Variants in TCAF1 observed in about 807,000 individuals in gnomAD.
TCAF1 encodes TRPM8 channel-associated factor 1.
In TCAF1, 4 loss-of-function variants were observed where a neutral mutation model predicts 27.3. The observed-to-expected ratio is 0.15, with a 90% CI of 0.07 to 0.34. TCAF1 has a LOEUF of 0.34. TCAF1 is among the 10% of genes least tolerant of loss of function. TCAF1 has a pLI of 1.00. For synonymous variants in TCAF1, 105 were observed against 167.1 expected (o/e 0.63, Z 2.87); for missense variants, 257 against 425.8 (o/e 0.60, Z 3.49).
intron 1 of TCAF1, among the ~76,000 whole-genome samples, chr7:143,888,928 A>G (rs1813531203): frequency 6.6e-6 from 1 of 152,194 alleles, no homozygotes; most frequent in African/African-American, 2.4e-5. Context: ...TTTGAAAAAT[A>G]AAATAGAAAC....
intron 1 of TCAF1, among the ~76,000 whole-genome samples, chr7:143,883,675 T>C (rs536273446): frequency 6.6e-6 from 1 of 152,252 alleles, no homozygotes; most frequent in East Asian, 1.9e-4. Context: ...CTGGCTAATT[T>C]TTTTATTTTT....
rs116975987 is a variant in TCAF1, at chr7:143,896,310, C to T, written c.-15+5651G>A. 9.2e-3 allele frequency among the ~76,000 whole-genome samples: 1,392 copies of T among 151,966 alleles called. 21 individuals are homozygous for T. Among genetic ancestry groups the T allele is most frequent in the Middle Eastern group, 0.024 (7 of 294 alleles). ...TTATGATAAAATGTTCAATTTACAA[C>T]AATTCACTGATAACATAGCCTCAAG... On this transcript the variant is annotated intron_variant, in intron 1 of 8. Transcript: ENST00000479870.
chr7:143,875,031 T>C (rs1489091631), intron 2 of TCAF1, among the ~76,000 whole-genome samples: 1 of 152,200 alleles, frequency 6.6e-6, no homozygotes, highest in Non-Finnish European at 1.5e-5. Context: ...CTAACTATTC[T>C]GGTTGATCTT....
At chr7:143,878,259 T>C (rs1038236545) in intron 1 of TCAF1, among the ~76,000 whole-genome samples, 5 of 152,226 alleles carry the variant, frequency 3.3e-5, no homozygotes, top group Non-Finnish European at 5.9e-5. Flanking sequence ...ATTCTTGCAG[T>C]GGAAAAACAA....
chr7:143,876,160 A>G lies in TCAF1; in HGVS notation c.449T>C (p.Ile150Thr), dbSNP rs762821957. 15 of 1,614,012 alleles carry G rather than the reference A, an allele frequency of 9.3e-6. No homozygotes were observed. The highest frequency in any genetic ancestry group is 1.6e-4 in the Middle Eastern group (1 of 6,084). ...GGCCCAATCCCAGGCTTGTCCTCCT[A>G]TGAGCAAGCCGCCACCACATTTCAT... is the stretch of plus-strand genomic sequence containing the variant. ...KFMKCGGGLL[I>T]GGQAWDWANQ... Residue 150 changes from isoleucine (I) to threonine (T), a missense_variant, in exon 2 of 9, where the codon ATA becomes ACA. Transcript: ENST00000479870.
At chr7:143,897,253 C>A (rs917541303) in intron 1 of TCAF1, among the ~76,000 whole-genome samples, 1 of 149,400 alleles carries the variant, frequency 6.7e-6, no homozygotes, top group African/African-American at 2.4e-5. Context: ...GTCTCTGCCA[C>A]CCCCAAAGAC....
At chr7:143,887,878 A>G (rs902754101) in intron 1 of TCAF1, among the ~76,000 whole-genome samples, 2 of 152,234 alleles carry the variant, frequency 1.3e-5, no homozygotes, top group African/African-American at 4.8e-5. Flanking sequence ...ATTTACATAA[A>G]TATAAAAACA....
chr7:143,890,244 C>T (rs891275063), intron 1 of TCAF1, among the ~76,000 whole-genome samples: 6 of 151,300 alleles, frequency 4.0e-5, no homozygotes, highest in African/African-American at 7.3e-5. Context: ...CCTTGTGATC[C>T]GCCCGCCTCG....
In TCAF1 at chr7:143,892,123, T is replaced by C. The variant is rs545439575; in HGVS notation, c.-15+9838A>G. Among the ~76,000 whole-genome samples the C allele has an allele frequency of 1.3e-3, 191 of 152,270 alleles. 1 individual carries two copies. The highest frequency in any genetic ancestry group is 4.4e-3 in the African/African-American group (183 of 41,562). ...ACTAATTTTTTATGAAAATTATTCC[T>C]CATAGAAGTACAGTGCTGTAGGAAT... is the stretch of plus-strand genomic sequence containing the variant. On this transcript the variant is annotated intron_variant, in intron 1 of 8. Transcript: ENST00000479870.
chr7:143,897,643 T>A (rs938065575), intron 1 of TCAF1, among the ~76,000 whole-genome samples: 7 of 152,108 alleles, frequency 4.6e-5, no homozygotes, highest in African/African-American at 1.7e-4. Context: ...TACTGATACA[T>A]TCATGTATAT....
At chr7:143,857,065 C>CCTCT (rs1438591763) in intron 8 of TCAF1, 35 bp downstream of exon 8, 1 of 587,782 alleles carries the variant, frequency 1.7e-6, no homozygotes, top group Non-Finnish European at 3.0e-6. Flanking sequence ...CCTCCCCAAA[C>CCTCT]CTCTCTACCT....
chr7:143,899,685 T>G lies in TCAF1; in HGVS notation c.-15+2276A>C, dbSNP rs546197064. ...AGAGAAAGAAACAGATATAAAGACATAGAGAGAAAGAAAACCTCAAAAGCA... is the reference window on the plus strand; with the variant it reads ...AGAGAAAGAAACAGATATAAAGACAGAGAGAGAAAGAAAACCTCAAAAGCA... On this transcript the variant is annotated intron_variant, in intron 1 of 8. Coordinates refer to ENST00000479870, the MANE Select transcript of TCAF1 (RefSeq NM_014719.3). Among the ~76,000 whole-genome samples the G allele has an allele frequency of 1.0e-3, 157 of 152,050 alleles. 1 individual carries two copies. The highest frequency in any genetic ancestry group is 2.8e-3 in the Admixed American group (43 of 15,300).
chr7:143,874,719 A>G (rs1041494808), intron 2 of TCAF1, among the ~76,000 whole-genome samples: 2 of 152,206 alleles, frequency 1.3e-5, no homozygotes, highest in African/African-American at 4.8e-5. Context: ...ATTACTGGTT[A>G]TAGATCCCAG....
chr7:143,899,441 C>T (rs1458939001), intron 1 of TCAF1, among the ~76,000 whole-genome samples: 1 of 152,194 alleles, frequency 6.6e-6, no homozygotes, highest in Non-Finnish European at 1.5e-5. Context: ...ATCACTGGTG[C>T]TGGGGCAACA....
chr7:143,885,033 C>G lies in TCAF1; in HGVS notation c.-14-8411G>C, dbSNP rs575713348. On this transcript the variant is annotated intron_variant, in intron 1 of 8. Coordinates refer to ENST00000479870, the MANE Select transcript of TCAF1 (RefSeq NM_014719.3). ...ACCCAAGGGGGTCCCAGGCCAAAAACGCGACCACTTTGGCAGCCCCGCGTG... is the reference window on the plus strand; with the variant it reads ...ACCCAAGGGGGTCCCAGGCCAAAAAGGCGACCACTTTGGCAGCCCCGCGTG... 6 of 985,396 alleles carry G rather than the reference C, an allele frequency of 6.1e-6. 1 individual carries two copies. The highest frequency in any genetic ancestry group is 4.8e-6 in the Non-Finnish European group (4 of 829,930). The allele number at this position is 985,396 out of a possible 1,614,324, so 61.0% of individuals were successfully genotyped here. A position where few individuals can be genotyped will look rare whatever the true frequency, so the allele number is the denominator to read the frequency against.
intron 1 of TCAF1, among the ~76,000 whole-genome samples, chr7:143,884,173 C>A (rs1813265942): frequency 6.6e-6 from 1 of 152,112 alleles, no homozygotes; most frequent in African/African-American, 2.4e-5. Context: ...ATATTCAAAT[C>A]ATCCTAAAAT....
intron 1 of TCAF1, among the ~76,000 whole-genome samples, chr7:143,889,532 T>A (rs1030884252): frequency 1.3e-5 from 2 of 152,168 alleles, no homozygotes; most frequent in Non-Finnish European, 2.9e-5. Context: ...GAGATCAAGA[T>A]TCTGAAGCAT....
chr7:143,883,853 CTT>C (rs905091581), intron 1 of TCAF1, among the ~76,000 whole-genome samples: 11 of 152,280 alleles, frequency 7.2e-5, no homozygotes, highest in Admixed American at 2.0e-4. Context: ...GCTCCTCTCT[CTT>C]GTGTATGTGG....
At chr7:143,881,478 C>T (rs961915358) in intron 1 of TCAF1, among the ~76,000 whole-genome samples, 1 of 152,130 alleles carries the variant, frequency 6.6e-6, no homozygotes, top group Non-Finnish European at 1.5e-5. Context: ...GCTAGTTCAA[C>T]CCCTTTTTTG....
Sources: gnomAD v4.1 joint callset for allele counts (sites outside exome capture counted in the v4.1 genomes callset) on GRCh38, gnomAD v4.1.1 for gene constraint, MANE v1.5 for transcripts, NCBI Gene and HGNC (gene_info 2026-07-23, HGNC 2026-07-21) for gene names.